Variants in TANC1 observed in about 807,000 individuals in gnomAD.
TANC1 encodes protein TANC1.
In TANC1, 77 loss-of-function variants were observed where a neutral mutation model predicts 149.7. The observed-to-expected ratio is 0.51, with a 90% CI of 0.43 to 0.62. The LOEUF is 0.62. Ranked by LOEUF, TANC1 falls within the 20% of genes least tolerant of loss-of-function variation. The pLI is 0.00. For missense variants in TANC1, 1,985 were observed against 2,321.8 expected, an observed-to-expected ratio of 0.85 and a Z score of 2.98; for synonymous variants, 854 against 925.0, an observed-to-expected ratio of 0.92 and a Z score of 1.39.
At chr2:159,220,590 C>G (rs1575342718) in intron 22 of TANC1, among the ~76,000 whole-genome samples, 1 of 148,916 alleles carries the variant, frequency 6.7e-6, no homozygotes, top group African/African-American at 2.5e-5. Context: ...GCGTAAGCCC[C>G]TGCACCTGGC....
At chr2:159,139,025 C>T (rs1025510996) in intron 5 of TANC1, among the ~76,000 whole-genome samples, 3 of 152,002 alleles carry the variant, frequency 2.0e-5, no homozygotes, top group African/African-American at 4.8e-5. Flanking sequence ...AGTGTGGGTT[C>T]GATGATGTAA....
intron 2 of TANC1, among the ~76,000 whole-genome samples, chr2:159,063,221 G>A (rs1040918933): frequency 6.6e-6 from 1 of 152,138 alleles, no homozygotes; most frequent in Non-Finnish European, 1.5e-5. Flanking sequence ...ACAGCACCTA[G>A]CTCCAACAGC....
At chr2:159,029,304 A>G (rs918597921) in intron 2 of TANC1, among the ~76,000 whole-genome samples, 1 of 152,214 alleles carries the variant, frequency 6.6e-6, no homozygotes, top group African/African-American at 2.4e-5. Flanking sequence ...TGCAATGAAC[A>G]TGGGAGTGAA....
intron 22 of TANC1, among the ~76,000 whole-genome samples, chr2:159,223,250 T>A (rs2059812139): frequency 6.6e-6 from 1 of 152,042 alleles, no homozygotes; most frequent in Non-Finnish European, 1.5e-5. Context: ...CTTGCAGACC[T>A]GGCAGTGGAA....
Position 159,024,690 on chromosome 2 carries a change from G to A in TANC1, c.-16+23501G>A, listed in dbSNP as rs559249447. Among the ~76,000 whole-genome samples the A allele has an allele frequency of 7.9e-5, 12 of 151,670 alleles. No homozygotes were observed. In the East Asian group the frequency reaches 1.9e-3, roughly 25 times the overall value. ...CGCTTGAATCCGGGAGGCAGAGGCT[G>A]TAGTGATCCAAGATTGCACCACTGC... On this transcript the variant is annotated intron_variant, in intron 2 of 26. Coordinates refer to ENST00000263635, the MANE Select transcript of TANC1 (RefSeq NM_033394.3).
intron 2 of TANC1, among the ~76,000 whole-genome samples, chr2:159,049,930 A>T (rs2041346483): frequency 6.6e-6 from 1 of 152,058 alleles, no homozygotes; most frequent in South Asian, 2.1e-4. Context: ...GAATGGAGAA[A>T]CAGATTTGTG....
chr2:159,070,265 T>C (rs1574457575), intron 3 of TANC1, among the ~76,000 whole-genome samples: 2 of 130,298 alleles, frequency 1.5e-5, no homozygotes, highest in Non-Finnish European at 1.6e-5. Flanking sequence ...TAAAGAAGAC[T>C]TTTTTTTTTT....
intron 5 of TANC1, among the ~76,000 whole-genome samples, chr2:159,145,861 C>G (rs748695639): frequency 6.6e-6 from 1 of 152,176 alleles, no homozygotes; most frequent in Non-Finnish European, 1.5e-5. Context: ...CATCATACAG[C>G]CGTCAGATAT....
chr2:158,988,773 A>G (rs143886422), intron 1 of TANC1, among the ~76,000 whole-genome samples: 11 of 152,042 alleles, frequency 7.2e-5, no homozygotes, highest in Non-Finnish European at 5.9e-5. Context: ...CTTTCTTCCT[A>G]CCTCATGGGG....
At chr2:159,063,511 G>A (rs1383082223) in intron 2 of TANC1, among the ~76,000 whole-genome samples, 1 of 152,254 alleles carries the variant, frequency 6.6e-6, no homozygotes. Flanking sequence ...TAACTTGCTG[G>A]GAAGACTTAC....
chr2:159,052,541 G>A (rs140518101), intron 2 of TANC1, among the ~76,000 whole-genome samples: 110 of 152,238 alleles, frequency 7.2e-4, no homozygotes, highest in African/African-American at 2.6e-3. Context: ...AGAACTGTGA[G>A]CCAAATAGAA....
chr2:159,075,748 T>A (rs543024416), intron 3 of TANC1, among the ~76,000 whole-genome samples: 3 of 152,310 alleles, frequency 2.0e-5, no homozygotes, highest in African/African-American at 7.2e-5. Context: ...GCCCATTTTG[T>A]TTCCATATTT....
intron 2 of TANC1, among the ~76,000 whole-genome samples, chr2:159,053,160 C>A (rs1279709911): frequency 1.3e-5 from 2 of 151,398 alleles, no homozygotes; most frequent in African/African-American, 4.9e-5. Context: ...CATATTTGGC[C>A]TTTGTTTTCT....
chr2:159,113,825 C>T (rs1166641728), intron 4 of TANC1, among the ~76,000 whole-genome samples: 1 of 152,146 alleles, frequency 6.6e-6, no homozygotes. Flanking sequence ...AGTGAGACTC[C>T]AGTCTCTTAA....
chr2:158,995,645 C>A (rs1398759733), intron 1 of TANC1, among the ~76,000 whole-genome samples: 2 of 152,208 alleles, frequency 1.3e-5, no homozygotes, highest in Non-Finnish European at 2.9e-5. Context: ...CAGTCTTATA[C>A]CTGTCTCCAT....
At chr2:159,153,315 T>C (rs2053063964) in intron 7 of TANC1, among the ~76,000 whole-genome samples, 1 of 152,218 alleles carries the variant, frequency 6.6e-6, no homozygotes, top group South Asian at 2.1e-4. Flanking sequence ...TGAAGCTGTG[T>C]TTTTCCTCTG....
intron 3 of TANC1, among the ~76,000 whole-genome samples, chr2:159,079,346 C>CTTTTTTTTTTT (rs68143585): frequency 5.5e-5 from 6 of 109,902 alleles, no homozygotes; most frequent in South Asian, 3.5e-4. Flanking sequence ...GTGTGTGTGT[C>CTTTTTTTTTTT]TTTTTTTTTT....
chr2:159,028,529 T>A (rs2039533133), intron 2 of TANC1, among the ~76,000 whole-genome samples: 1 of 152,214 alleles, frequency 6.6e-6, no homozygotes, highest in African/African-American at 2.4e-5. Flanking sequence ...TATCCTCATA[T>A]TTTAAAAAAT....
chr2:159,060,581 G>T (rs2042167132), intron 2 of TANC1, among the ~76,000 whole-genome samples: 1 of 152,178 alleles, frequency 6.6e-6, no homozygotes, highest in South Asian at 2.1e-4. Context: ...TTAATTGCTT[G>T]ATTTGGAGGA....
Sources: gnomAD v4.1 joint callset for allele counts (sites outside exome capture counted in the v4.1 genomes callset) on GRCh38, gnomAD v4.1.1 for gene constraint, MANE v1.5 for transcripts, NCBI Gene and HGNC (gene_info 2026-07-23, HGNC 2026-07-21) for gene names.